Variants in THSD4 observed in about 807,000 individuals in gnomAD.
THSD4 encodes thrombospondin type 1 domain containing 4.
THSD4 carries 69 observed loss-of-function variants against 119.0 expected under a neutral mutation model. That is an observed-to-expected ratio of 0.58 (90% confidence interval 0.48 to 0.71). The LOEUF is 0.71. Among genes scored for constraint, THSD4 ranks in the 30% least tolerant of loss-of-function variants. THSD4 has a pLI of 0.00. For missense variants in THSD4, 1,393 were observed against 1,391.1 expected (o/e 1.00, Z -0.02); for synonymous variants, 524 against 540.4 (o/e 0.97, Z 0.42).
intron 1 of THSD4, among the ~76,000 whole-genome samples, chr15:71,140,437 C>A (rs986963974): frequency 6.6e-6 from 1 of 152,084 alleles, no homozygotes; most frequent in Non-Finnish European, 1.5e-5. Context: ...TCACTCATTA[C>A]CACAAGGAGG....
At position 71,504,860 on chromosome 15, in the gene THSD4, A is replaced by G. The variant is rs535591306; in HGVS notation, c.1152+93037A>G. ...AGCTAACCCAGGACCCAACATTAAC[A>G]TGTAGTCATCATGTCTCCTTAGTCT... On this transcript the variant is annotated intron_variant, in intron 7 of 17. Transcript: ENST00000261862. 1.4e-3 allele frequency among the ~76,000 whole-genome samples: 215 copies of G among 152,272 alleles called. 6 individuals are homozygous for G. The South Asian group carries it at 0.042, about 30-fold the overall frequency.
chr15:71,406,739 G>A (rs1279811989), intron 6 of THSD4, among the ~76,000 whole-genome samples: 10 of 149,040 alleles, frequency 6.7e-5, no homozygotes, highest in Admixed American at 2.7e-4. Context: ...GAGTGCAGTG[G>A]CATGATCTCG....
At chr15:71,138,861 G>GGTGTGTGTGTGTGTGAGTGT (rs1555450071) in intron 1 of THSD4, among the ~76,000 whole-genome samples, 10 of 149,054 alleles carry the variant, frequency 6.7e-5, no homozygotes, top group Admixed American at 5.3e-4. Context: ...GTAATTTCTT[G>GGTGTGTGTGTGTGTGAGTGT]GTGTGTGTGT....
chr15:71,347,028 C>G (rs550238680), intron 6 of THSD4, among the ~76,000 whole-genome samples: 1 of 151,890 alleles, frequency 6.6e-6, no homozygotes, highest in South Asian at 2.1e-4. Context: ...CGCGTGCCAC[C>G]ACACCTGGCT....
intron 2 of THSD4, among the ~76,000 whole-genome samples, chr15:71,147,449 C>T (rs2040674182): frequency 1.3e-5 from 2 of 152,176 alleles, no homozygotes; most frequent in African/African-American, 2.4e-5. Context: ...GACAGCAACA[C>T]GTTCTTTAGT....
chr15:71,764,204 C>G (rs1370100367), intron 15 of THSD4, among the ~76,000 whole-genome samples: 1 of 152,200 alleles, frequency 6.6e-6, no homozygotes, highest in African/African-American at 2.4e-5. Flanking sequence ...CATGATCACA[C>G]CACTACACTC....
intron 8 of THSD4, among the ~76,000 whole-genome samples, chr15:71,709,626 G>T (rs967273454): frequency 2.0e-5 from 3 of 152,192 alleles, no homozygotes; most frequent in African/African-American, 7.2e-5. Context: ...AGCTGTCTTC[G>T]TATTTTCTTA....
intron 7 of THSD4, among the ~76,000 whole-genome samples, chr15:71,621,779 G>A (rs1054070526): frequency 6.6e-6 from 1 of 152,142 alleles, no homozygotes; most frequent in Non-Finnish European, 1.5e-5. Context: ...ATTCACTTGT[G>A]CTCTAGATAA....
At chr15:71,740,534 G>A (rs2053214674) in intron 11 of THSD4, among the ~76,000 whole-genome samples, 1 of 152,176 alleles carries the variant, frequency 6.6e-6, no homozygotes, top group African/African-American at 2.4e-5. Flanking sequence ...TAGGCCTTGT[G>A]TTGTGAGCAG....
chr15:71,682,884 CT>C (rs1198694576), intron 8 of THSD4, among the ~76,000 whole-genome samples: 1,351 of 39,982 alleles, frequency 0.034, 78 homozygotes, highest in Middle Eastern at 0.098. Context: ...TTCTTTCTTT[CT>C]TTCTTTCTTT....
intron 6 of THSD4, among the ~76,000 whole-genome samples, chr15:71,354,475 G>T (rs990421959): frequency 2.0e-5 from 3 of 152,160 alleles, no homozygotes; most frequent in Non-Finnish European, 4.4e-5. Flanking sequence ...GTCAACCCAG[G>T]TGGAGACTTT....
chr15:71,396,394 A>T (rs990028072), intron 6 of THSD4, among the ~76,000 whole-genome samples: 1 of 152,120 alleles, frequency 6.6e-6, no homozygotes, highest in African/African-American at 2.4e-5. Context: ...TCCCCTGGGT[A>T]TTGCCTGCAG....
intron 7 of THSD4, among the ~76,000 whole-genome samples, chr15:71,541,929 G>C (rs2048765573): frequency 6.6e-6 from 1 of 152,210 alleles, no homozygotes; most frequent in South Asian, 2.1e-4. Flanking sequence ...CACAAGACAG[G>C]AGGAGGAGGC....
At chr15:71,598,567 T>C (rs2049948889) in intron 7 of THSD4, among the ~76,000 whole-genome samples, 1 of 152,164 alleles carries the variant, frequency 6.6e-6, no homozygotes, top group Non-Finnish European at 1.5e-5. Context: ...ACCCTGTGCT[T>C]TGGGCTGGAA....
rs746398028 is a variant in THSD4, at chr15:71,660,533, A to G, written c.1156A>G (p.Ile386Val). ...TTTGTTTTCTGTCTTTTTGCAGAGC[A>G]TTGGCTGTGATGACTACTTAGGCTC... Reference protein sequence around the residue: ...AICVSGQCKSIGCDDYLGSDK... With the variant: ...AICVSGQCKSVGCDDYLGSDK... Residue 386 changes from isoleucine to valine, a missense_variant, in exon 8 of 18, where the codon ATT (isoleucine) becomes GTT (valine). By Grantham distance (29) the Ile-to-Val change is conservative (BLOSUM62 3). Coordinates refer to ENST00000261862, the MANE Select transcript of THSD4 (RefSeq NM_024817.3). The G allele has an allele frequency of 2.5e-6, 4 of 1,613,956 alleles. No individual in the cohort carries two copies. The highest frequency in any genetic ancestry group is 1.7e-5 in the Admixed American group (1 of 60,000).
chr15:71,217,085 C>T (rs765562579), intron 4 of THSD4, among the ~76,000 whole-genome samples: 10 of 152,306 alleles, frequency 6.6e-5, no homozygotes, highest in Non-Finnish European at 1.5e-4. Context: ...GCATGAGCCA[C>T]TGCGCCTGGC....
chr15:71,756,633 A>G (rs2053543630), intron 14 of THSD4, among the ~76,000 whole-genome samples: 1 of 152,110 alleles, frequency 6.6e-6, no homozygotes, highest in Admixed American at 6.5e-5. Flanking sequence ...AAAATACAAA[A>G]ATTAGCTGGA....
chr15:71,743,166 C>T (rs1001989598), intron 11 of THSD4, among the ~76,000 whole-genome samples: 2 of 152,148 alleles, frequency 1.3e-5, no homozygotes, highest in East Asian at 1.9e-4. Context: ...CCATAAACGC[C>T]GTAAAATGTC....
At chr15:71,354,643 A>ATT (rs2045785206) in intron 6 of THSD4, among the ~76,000 whole-genome samples, 1 of 152,208 alleles carries the variant, frequency 6.6e-6, no homozygotes, top group South Asian at 2.1e-4. Context: ...CTCTAACATT[A>ATT]TTTCTAGCCC....
Sources: allele counts gnomAD v4.1 joint callset (sites outside exome capture counted in the v4.1 genomes callset), GRCh38; gene constraint gnomAD v4.1.1; transcripts MANE v1.5; gene names NCBI Gene and HGNC (gene_info 2026-07-23, HGNC 2026-07-21).